The following MAMDC2 variants were observed in gnomAD, a reference collection of about 807,000 sequenced individuals.
The protein encoded by MAMDC2 is MAM domain containing 2, also known as MAM domain-containing protein 2.
MAMDC2 carries 57 observed loss-of-function variants against 89.8 expected under a neutral mutation model. The ratio of observed to expected loss-of-function variants is 0.63; its 90% CI spans 0.51 to 0.79. MAMDC2 has a LOEUF of 0.79. Ranked by LOEUF, MAMDC2 falls within the 30% of genes least tolerant of loss-of-function variation. The pLI is 0.00. For synonymous variants in MAMDC2, 313 were observed against 293.4 expected, an observed-to-expected ratio of 1.07 and a Z score of -0.68; for missense variants, 800 against 820.6, an observed-to-expected ratio of 0.97 and a Z score of 0.31.
At position 70,120,315 on chromosome 9, in the gene MAMDC2, C is replaced by T. The variant is rs140551486; in HGVS notation, c.644-5844C>T. 2.3e-3 allele frequency among the ~76,000 whole-genome samples: 347 copies of T among 152,294 alleles called. 1 individual carries two copies. The highest frequency in any genetic ancestry group is 4.2e-3 in the Non-Finnish European group (284 of 68,020). The stretch of plus-strand genomic sequence containing the variant: ...TTTCAAGAACTCTGATTACTTTCAT[C>T]TCAAGGTCCAGAGCAACTGCAGAGC... On this transcript the variant is annotated intron_variant, in intron 5 of 13. Transcript: ENST00000377182.
Position 70,140,166 on chromosome 9 carries a change from A to G in MAMDC2, c.1016A>G (p.Glu339Gly), listed in dbSNP as rs1261649033. ...TCAGAACTTCTGTTCAGTGCCGTGG[A>G]AGCCAGCTGCAATTTTGAGCAAGAT... Reference protein sequence around the residue: ...NQTELLFSAVEASCNFEQDLC... With the variant: ...NQTELLFSAVGASCNFEQDLC... The change falls in exon 8 of 14, where the codon GAA becomes GGA. Residue 339 changes from glutamate to glycine, a missense_variant. Transcript: ENST00000377182. 6.3e-7 allele frequency: 1 copy of G among 1,593,524 alleles called. No homozygotes were observed. The highest frequency in any genetic ancestry group is 8.5e-7 in the Non-Finnish European group (1 of 1,173,828).
intron 2 of MAMDC2, among the ~76,000 whole-genome samples, chr9:70,079,906 T>G (rs545300455): frequency 1.3e-5 from 2 of 152,254 alleles, no homozygotes; most frequent in Admixed American, 1.3e-4. Flanking sequence ...CGATTAAAAC[T>G]GAATGAAAGT....
chr9:70,218,375 G>A lies in MAMDC2; in HGVS notation c.1690G>A (p.Gly564Arg). Residue 564 changes from glycine to arginine, a missense_variant, in exon 12 of 14, where the codon GGA becomes AGA. Coordinates refer to ENST00000377182, the MANE Select transcript of MAMDC2 (RefSeq NM_153267.5). ...CATTGAGGCCTCCCATATGGTGTAT[G>A]GACAAAAAGCACGCCTCTTGTCCAG... ...MYIEASHMVYGQKARLLSRPL... is the reference protein window; with the variant it reads ...MYIEASHMVYRQKARLLSRPL... The A allele has an allele frequency of 1.2e-6, 2 of 1,614,142 alleles. No homozygotes were observed. The highest frequency in any genetic ancestry group is 1.7e-6 in the Non-Finnish European group (2 of 1,180,006).
At chr9:70,225,608 A>G in intron 12 of MAMDC2, 142 bp from the exon 13 acceptor site, 1 of 517,608 alleles carries the variant, frequency 1.9e-6, no homozygotes, top group South Asian at 3.9e-5. Flanking sequence ...CCTAGATTTC[A>G]ATTTGTAATT....
chr9:70,163,952 CA>C (rs34029718), intron 9 of MAMDC2, among the ~76,000 whole-genome samples: 3,337 of 70,040 alleles, frequency 0.048, 32 homozygotes, highest in Non-Finnish European at 0.057. Flanking sequence ...GACTCTGTCT[CA>C]AAAAAAAAAA....
At chr9:70,105,304 G>A (rs971010003) in intron 2 of MAMDC2, among the ~76,000 whole-genome samples, 8 of 152,272 alleles carry the variant, frequency 5.3e-5, no homozygotes, top group Non-Finnish European at 4.4e-5. Flanking sequence ...GATTGGTAGT[G>A]GTTACATGCA....
chr9:70,095,848 G>A (rs940209727), intron 2 of MAMDC2, among the ~76,000 whole-genome samples: 3 of 152,048 alleles, frequency 2.0e-5, no homozygotes, highest in Non-Finnish European at 4.4e-5. Flanking sequence ...AGTCCAGACT[G>A]GTTAGAAGAC....
At chr9:70,111,803 G>A (rs1262041550) in intron 4 of MAMDC2, among the ~76,000 whole-genome samples, 3 of 152,244 alleles carry the variant, frequency 2.0e-5, no homozygotes, top group East Asian at 1.9e-4. Context: ...CCACAAAGGT[G>A]TGAGTGGTAA....
At chr9:70,057,964 G>A (rs1328069895) in intron 2 of MAMDC2, among the ~76,000 whole-genome samples, 1 of 152,172 alleles carries the variant, frequency 6.6e-6, no homozygotes, top group Non-Finnish European at 1.5e-5. Flanking sequence ...TTCAGTATTT[G>A]AAAGTAGATA....
chr9:70,218,926 T>C (rs1256937407), intron 12 of MAMDC2, among the ~76,000 whole-genome samples: 1 of 152,354 alleles, frequency 6.6e-6, no homozygotes, highest in Non-Finnish European at 1.5e-5. Flanking sequence ...CTTCTAAATA[T>C]GGTATTACCT....
At chr9:70,184,648 T>G (rs1035408211) in intron 11 of MAMDC2, among the ~76,000 whole-genome samples, 14 of 152,010 alleles carry the variant, frequency 9.2e-5, no homozygotes, top group Non-Finnish European at 1.9e-4. Context: ...ATTTCTGATA[T>G]TCTTTCTTCT....
chr9:70,189,261 G>T (rs2032827188), intron 11 of MAMDC2, among the ~76,000 whole-genome samples: 1 of 152,074 alleles, frequency 6.6e-6, no homozygotes, highest in Non-Finnish European at 1.5e-5. Context: ...TTATTTATTT[G>T]AGAGTGTCCT....
chr9:70,204,681 C>CA (rs2033181695), intron 11 of MAMDC2, among the ~76,000 whole-genome samples: 1 of 151,824 alleles, frequency 6.6e-6, no homozygotes, highest in South Asian at 2.1e-4. Flanking sequence ...AGTTTGATCT[C>CA]AGACTGCTGT....
At position 70,059,891 on chromosome 9, in the gene MAMDC2, A is replaced by G. The variant is rs1449136735; in HGVS notation, c.148+15194A>G. Among the ~76,000 whole-genome samples the G allele has an allele frequency of 2.8e-4, 42 of 152,204 alleles. 1 individual carries two copies. The highest frequency in any genetic ancestry group is 2.7e-3 in the Admixed American group (42 of 15,286). On this transcript the variant is annotated intron_variant, in intron 2 of 13. Coordinates refer to ENST00000377182, the MANE Select transcript of MAMDC2 (RefSeq NM_153267.5). ...CACTTGATTCACTGATGAATTAAAT[A>G]GGTAAGGGTGTGCACTAGTGTCATT...
intron 11 of MAMDC2, among the ~76,000 whole-genome samples, chr9:70,189,313 G>C (rs1396007581): frequency 6.6e-6 from 1 of 151,976 alleles, no homozygotes; most frequent in African/African-American, 2.4e-5. Context: ...CCTGCATATA[G>C]AATTCTTAGT....
intron 11 of MAMDC2, among the ~76,000 whole-genome samples, chr9:70,174,112 T>C (rs2032428725): frequency 6.6e-6 from 1 of 152,176 alleles, no homozygotes; most frequent in Non-Finnish European, 1.5e-5. Flanking sequence ...TGTGGTGAGG[T>C]TTAAATGAAA....
chr9:70,077,339 A>G (rs1024899537), intron 2 of MAMDC2, among the ~76,000 whole-genome samples: 1 of 152,160 alleles, frequency 6.6e-6, no homozygotes, highest in African/African-American at 2.4e-5. Context: ...CTCATCATAA[A>G]GGCCCAAGGT....
At chr9:70,155,366 C>G (rs1451163500) in intron 9 of MAMDC2, among the ~76,000 whole-genome samples, 1 of 152,128 alleles carries the variant, frequency 6.6e-6, no homozygotes, top group Non-Finnish European at 1.5e-5. Flanking sequence ...CAGTTCTGTT[C>G]CTCTCTGAAT....
At chr9:70,072,921 C>T (rs1457531239) in intron 2 of MAMDC2, among the ~76,000 whole-genome samples, 2 of 152,090 alleles carry the variant, frequency 1.3e-5, no homozygotes, top group Admixed American at 6.5e-5. Flanking sequence ...CTGCAACCTC[C>T]GCCTGCCAGG....
Sources: allele counts gnomAD v4.1 joint callset (sites outside exome capture counted in the v4.1 genomes callset), GRCh38; gene constraint gnomAD v4.1.1; transcripts MANE v1.5; gene names NCBI Gene and HGNC (gene_info 2026-07-23, HGNC 2026-07-21).